Variants in GLG1 observed in about 807,000 individuals in gnomAD.
GLG1 encodes the protein Golgi apparatus protein 1.
A neutral mutation model predicts 160.5 loss-of-function variants in GLG1; 38 were observed. The ratio of observed to expected loss-of-function variants is 0.24; its 90% CI spans 0.18 to 0.31. The LOEUF (loss-of-function observed/expected upper bound fraction) is 0.31. Among genes scored for constraint, GLG1 ranks in the 10% least tolerant of loss-of-function variants. The pLI is 1.00. For missense variants in GLG1, 1,373 were observed against 1,505.2 expected (o/e 0.91, Z 1.45); for synonymous variants, 644 against 543.4 (o/e 1.19, Z -2.57).
At chr16:74,606,438 C>G (rs1958567679) in intron 1 of GLG1, among the ~76,000 whole-genome samples, 1 of 152,136 alleles carries the variant, frequency 6.6e-6, no homozygotes, top group African/African-American at 2.4e-5. Flanking sequence ...GTCCCAGACC[C>G]CGGCAACAGG....
chr16:74,470,108 G>C (rs1347957852), intron 15 of GLG1, 35 bp from the exon 16 acceptor site: 3 of 1,253,660 alleles, frequency 2.4e-6, no homozygotes, highest in Middle Eastern at 3.7e-4. Flanking sequence ...CAGAAGTTTT[G>C]TGGCAACTTG....
intron 1 of GLG1, among the ~76,000 whole-genome samples, chr16:74,597,148 A>C (rs1249842299): frequency 6.6e-6 from 1 of 151,020 alleles, no homozygotes; most frequent in Admixed American, 6.6e-5. Flanking sequence ...CCAAAACAAA[A>C]CTCACCAGGC....
intron 1 of GLG1, chr16:74,552,435 G>GC: frequency 1.9e-6 from 1 of 538,870 alleles, no homozygotes; most frequent in South Asian, 1.5e-5. Context: ...ATGAAGGAAC[G>GC]GTTTGTCTGG....
At chr16:74,495,992 C>G (rs1597266707) in intron 5 of GLG1, among the ~76,000 whole-genome samples, 1 of 152,162 alleles carries the variant, frequency 6.6e-6, no homozygotes, top group Non-Finnish European at 1.5e-5. Context: ...ATTTAAGTCA[C>G]AGTGGCTCGT....
intron 1 of GLG1, among the ~76,000 whole-genome samples, chr16:74,542,472 C>G (rs2017898342): frequency 6.6e-6 from 1 of 151,982 alleles, no homozygotes. Flanking sequence ...GTTCCAAGAC[C>G]AGCGTGGCCA....
In GLG1 at chr16:74,452,770, G is replaced by A. The variant is rs376776978; in HGVS notation, c.*397C>T. 12 of 991,682 alleles carry A rather than the reference G, an allele frequency of 1.2e-5. No individual in the cohort carries two copies. The highest frequency in any genetic ancestry group is 1.4e-5 in the Non-Finnish European group (12 of 833,222). The allele number at this position is 991,682 out of a possible 1,614,324, so 61.4% of individuals were successfully genotyped here. ...CCCATTGCCCAAATCAAGCCTGGAGGAGATGCGTTACTATATACATTTTTT... is the reference window on the plus strand; with the variant it reads ...CCCATTGCCCAAATCAAGCCTGGAGAAGATGCGTTACTATATACATTTTTT... On this transcript the variant is annotated 3_prime_UTR_variant, in exon 26 of 26. Coordinates refer to ENST00000422840, the MANE Select transcript of GLG1 (RefSeq NM_001145667.2).
Position 74,607,081 on chromosome 16 carries a change from C to T in GLG1, c.14G>A (p.Gly5Glu). 1.3e-6 allele frequency: 2 copies of T among 1,551,712 alleles called. No individual in the cohort carries two copies. Among genetic ancestry groups the T allele is most frequent in the East Asian group, 2.4e-5 (1 of 42,132 alleles). ...CAAGCGGAACATCCTCCGTACACGT[C>T]CACACGCCGCCATCTTGAGTCCGCG... MAAC[G>E]RVRRMFRLSA... Residue 5 changes from glycine (G) to glutamate (E), a missense_variant, in exon 1 of 26, where the codon GGA becomes GAA. By Grantham distance (98) the Gly-to-Glu change is moderately conservative. Transcript: ENST00000422840.
Position 74,463,474 on chromosome 16 carries a change from G to T in GLG1, c.2673C>A (p.Phe891Leu). ...MRVCKQMIKR[F>L]CPEADSKTML... is the part of the protein sequence containing the mutation. ...TGGTTTTAGAATCTGCTTCCGGACA[G>T]AACCTCTGCAAAGAAACAGTTTGAT... Residue 891 changes from phenylalanine to leucine, a missense_variant, in exon 20 of 26, where the codon TTC becomes TTA. Phe to Leu is a conservative substitution (Grantham distance 22). Transcript: ENST00000422840. 1.9e-6 allele frequency: 3 copies of T among 1,613,844 alleles called. No homozygotes were observed. Among genetic ancestry groups the T allele is most frequent in the Non-Finnish European group, 2.5e-6 (3 of 1,179,802 alleles).
Position 74,580,262 on chromosome 16 carries a change from T to C in GLG1, c.438+26395A>G, listed in dbSNP as rs180738548. Among the ~76,000 whole-genome samples the C allele has an allele frequency of 1.6e-4, 25 of 152,112 alleles. No individual in the cohort carries two copies. In the East Asian group the frequency reaches 3.5e-3, roughly 21 times the overall value. On this transcript the variant is annotated intron_variant, in intron 1 of 25. Coordinates refer to ENST00000422840, the MANE Select transcript of GLG1 (RefSeq NM_001145667.2). ...ACTTTGGGAGGCTGAGGTGGGAGGA[T>C]TGCTTGAGCCCAGGAGTTTGAGACC...
intron 1 of GLG1, among the ~76,000 whole-genome samples, chr16:74,580,798 T>G (rs1957921723): frequency 6.6e-6 from 1 of 152,170 alleles, no homozygotes; most frequent in African/African-American, 2.4e-5. Context: ...TAATAAACTC[T>G]TACAACTCAA....
intron 13 of GLG1, among the ~76,000 whole-genome samples, chr16:74,473,437 CTTTTTTTT>C (rs11421713): frequency 9.0e-6 from 1 of 110,992 alleles, no homozygotes; most frequent in African/African-American, 3.5e-5. Context: ...TGGTCTTGAC[CTTTTTTTT>C]TTTTTTTTTT....
chr16:74,504,251 A>G (rs1398594517), intron 3 of GLG1, among the ~76,000 whole-genome samples: 1 of 152,204 alleles, frequency 6.6e-6, no homozygotes, highest in East Asian at 1.9e-4. Context: ...AAGGAGAGAC[A>G]GGAGGGAAGG....
intron 1 of GLG1, among the ~76,000 whole-genome samples, chr16:74,598,032 C>G (rs1567549138): frequency 6.6e-6 from 1 of 151,920 alleles, no homozygotes; most frequent in Non-Finnish European, 1.5e-5. Context: ...CAAAATCAAA[C>G]AAACAAAATC....
At chr16:74,591,890 T>C (rs1958193074) in intron 1 of GLG1, among the ~76,000 whole-genome samples, 1 of 152,180 alleles carries the variant, frequency 6.6e-6, no homozygotes, top group Non-Finnish European at 1.5e-5. Flanking sequence ...CTTTTTCCCC[T>C]TATACGTGGG....
intron 1 of GLG1, chr16:74,552,182 T>A (rs2018217283): frequency 7.6e-6 from 3 of 394,618 alleles, no homozygotes. Flanking sequence ...ATGTCCTGAC[T>A]TGGAAGATGC....
At chr16:74,521,905 T>C (rs918897393) in intron 2 of GLG1, among the ~76,000 whole-genome samples, 2 of 152,104 alleles carry the variant, frequency 1.3e-5, no homozygotes, top group South Asian at 4.1e-4. Context: ...GGAACCAATA[T>C]CCTTTGTAAC....
chr16:74,588,261 A>C (rs1958096080), intron 1 of GLG1, among the ~76,000 whole-genome samples: 1 of 152,222 alleles, frequency 6.6e-6, no homozygotes, highest in East Asian at 1.9e-4. Flanking sequence ...TGATGGATTT[A>C]AATAAAAATG....
intron 2 of GLG1, among the ~76,000 whole-genome samples, chr16:74,530,806 A>T (rs1011829328): frequency 2.0e-5 from 3 of 151,954 alleles, no homozygotes; most frequent in African/African-American, 7.3e-5. Context: ...CAAATTTTTG[A>T]TATTTGCTAA....
At chr16:74,592,229 A>T (rs942593472) in intron 1 of GLG1, among the ~76,000 whole-genome samples, 1 of 151,962 alleles carries the variant, frequency 6.6e-6, no homozygotes, top group African/African-American at 2.4e-5. Context: ...TGCAAACTCC[A>T]CCTCCTGGGT....
Sources: allele counts gnomAD v4.1 joint callset (sites outside exome capture counted in the v4.1 genomes callset), GRCh38; gene constraint gnomAD v4.1.1; transcripts MANE v1.5; gene names NCBI Gene and HGNC (gene_info 2026-07-23, HGNC 2026-07-21).